Variants in ANXA3 observed in about 807,000 individuals in gnomAD.
ANXA3 encodes 35-alpha calcimedin.
In ANXA3, 46 loss-of-function variants were observed where a neutral mutation model predicts 48.8. That is an observed-to-expected ratio of 0.94 (90% CI 0.74 to 1.21). The LOEUF (loss-of-function observed/expected upper bound fraction) is 1.21, where lower values mean the gene tolerates loss of function less well. Ranked by LOEUF, ANXA3 falls within the 50% of genes most tolerant of loss-of-function variation. The pLI, the probability that ANXA3 is intolerant of heterozygous loss-of-function variation, is 0.00. For synonymous variants in ANXA3, 128 were observed against 134.7 expected, an observed-to-expected ratio of 0.95 and a Z score of 0.35; for missense variants, 383 against 378.6, an observed-to-expected ratio of 1.01 and a Z score of -0.10.
At chr4:78,573,358 C>T (rs1722882025) in intron 3 of ANXA3, 91 bp downstream of exon 3, 5 of 904,782 alleles carry the variant, frequency 5.5e-6, no homozygotes, top group Non-Finnish European at 8.7e-6. Context: ...TTGGCTTACT[C>T]AATTTAATAA....
intron 6 of ANXA3, among the ~76,000 whole-genome samples, chr4:78,590,317 C>G (rs575679856): frequency 6.6e-6 from 1 of 152,098 alleles, no homozygotes; most frequent in South Asian, 2.1e-4. Context: ...GTGGATTTTG[C>G]TTATATGAAT....
At chr4:78,594,218 C>G (rs542732565) in intron 7 of ANXA3, among the ~76,000 whole-genome samples, 1 of 152,182 alleles carries the variant, frequency 6.6e-6, no homozygotes, top group East Asian at 1.9e-4. Context: ...TATGTCTTTT[C>G]ATGGCTTGAT....
chr4:78,583,840 T>G (rs1364504322), intron 5 of ANXA3, among the ~76,000 whole-genome samples: 1 of 152,206 alleles, frequency 6.6e-6, no homozygotes, highest in Non-Finnish European at 1.5e-5. Context: ...CCGAGAAAGG[T>G]AATCTCCCTT....
At chr4:78,566,022 G>T (rs1722722401) in intron 2 of ANXA3, among the ~76,000 whole-genome samples, 1 of 152,148 alleles carries the variant, frequency 6.6e-6, no homozygotes, top group Non-Finnish European at 1.5e-5. Context: ...AGAAAAGAGA[G>T]AGCCACTTTC....
chr4:78,569,852 T>C (rs1722808608), intron 2 of ANXA3, among the ~76,000 whole-genome samples: 1 of 152,232 alleles, frequency 6.6e-6, no homozygotes. Flanking sequence ...GCTGTCCTTA[T>C]TAGCAGAGCT....
chr4:78,572,216 G>A (rs144591428), intron 2 of ANXA3, among the ~76,000 whole-genome samples: 8 of 152,244 alleles, frequency 5.3e-5, no homozygotes, highest in South Asian at 2.1e-4. Context: ...CTGCTCTAGA[G>A]AACCAATGTT....
At chr4:78,580,592 A>G (rs2109936552) in intron 4 of ANXA3, among the ~76,000 whole-genome samples, 1 of 152,286 alleles carries the variant, frequency 6.6e-6, no homozygotes, top group East Asian at 1.9e-4. Context: ...TGTGGGGGGA[A>G]AAGGTACAAA....
intron 1 of ANXA3, chr4:78,554,179 C>A (rs1578388115): frequency 6.0e-6 from 2 of 330,918 alleles, no homozygotes; most frequent in African/African-American, 4.2e-5. Flanking sequence ...TTGTAAGCAT[C>A]TTAAGTACAA....
chr4:78,588,151 G>A (rs1216360185), intron 6 of ANXA3, among the ~76,000 whole-genome samples: 1 of 152,040 alleles, frequency 6.6e-6, no homozygotes, highest in Admixed American at 6.5e-5. Flanking sequence ...TGGCATTTTG[G>A]GAGGCTGAGG....
chr4:78,560,646 C>G (rs1201464709), intron 2 of ANXA3, among the ~76,000 whole-genome samples: 1 of 152,220 alleles, frequency 6.6e-6, no homozygotes. Context: ...AACTCAATAT[C>G]CAGCCCCTCT....
At chr4:78,589,849 A>AAGAG (rs551452483) in intron 6 of ANXA3, among the ~76,000 whole-genome samples, 35 of 152,204 alleles carry the variant, frequency 2.3e-4, no homozygotes, top group Admixed American at 2.6e-4. Flanking sequence ...AGTCTAAATA[A>AAGAG]AGAGAGATCT....
rs558889270 is a variant in ANXA3, at chr4:78,595,452, G to A, written c.540+15G>A. On this transcript the variant is annotated intron_variant, in intron 8 of 12. Coordinates refer to ENST00000264908, the MANE Select transcript of ANXA3 (RefSeq NM_005139.3). ...AAGATGCCCAGGTCAGTAACAAAGC[G>A]GGAAAACATTTCCTTTACCTATTCT... 5.5e-5 allele frequency: 89 copies of A among 1,612,594 alleles called. No homozygotes were observed. Among genetic ancestry groups the A allele is most frequent in the East Asian group, 8.9e-5 (4 of 44,842 alleles).
chr4:78,609,088 T>A (rs758574646), intron 12 of ANXA3, among the ~76,000 whole-genome samples: 2 of 152,122 alleles, frequency 1.3e-5, no homozygotes, highest in Non-Finnish European at 2.9e-5. Flanking sequence ...AACAGACAAA[T>A]GAACAAGAAA....
chr4:78,554,146 A>C (rs1388469963), intron 1 of ANXA3: 1 of 241,898 alleles, frequency 4.1e-6, no homozygotes, highest in Non-Finnish European at 8.0e-6. Context: ...ATAAGTCAAA[A>C]ATTGGCTTTT....
At chr4:78,586,662 T>C (rs1015859680) in intron 6 of ANXA3, among the ~76,000 whole-genome samples, 5 of 152,344 alleles carry the variant, frequency 3.3e-5, no homozygotes, top group Middle Eastern at 3.4e-3. Context: ...GAGACTCAAA[T>C]CGTATTTTAT....
At chr4:78,582,330 C>T (rs761418470) in intron 5 of ANXA3, 40 bp downstream of exon 5, 4 of 1,396,876 alleles carry the variant, frequency 2.9e-6, no homozygotes, top group African/African-American at 1.4e-5. Context: ...CAGGGTTTGA[C>T]CAAGTCATCA....
Position 78,573,227 on chromosome 4 carries a change from A to G in ANXA3, c.63A>G (p.Ser21=). 4.3e-6 allele frequency: 7 copies of G among 1,613,704 alleles called. No individual in the cohort carries two copies. Among genetic ancestry groups the G allele is most frequent in the Non-Finnish European group, 5.9e-6 (7 of 1,179,742 alleles). The change falls in exon 3 of 13, where the codon TCA becomes TCG. Residue 21 remains serine (S), a synonymous_variant. Transcript: ENST00000264908. ...GAGATTATCCAGACTTTAGCCCATC[A>G]GTGGATGCTGAAGCTATTCAGAAAG... is the stretch of plus-strand genomic sequence containing the variant. ...TVRDYPDFSP[S]VDAEAIQKAI... is the part of the protein sequence containing the mutation.
At chr4:78,575,328 G>A (rs759001540) in intron 3 of ANXA3, among the ~76,000 whole-genome samples, 12 of 151,480 alleles carry the variant, frequency 7.9e-5, no homozygotes, top group Non-Finnish European at 1.6e-4. Context: ...TAACATTGGT[G>A]ACATGGTTTG....
intron 10 of ANXA3, among the ~76,000 whole-genome samples, chr4:78,600,330 T>C (rs926174850): frequency 2.0e-5 from 3 of 152,054 alleles, no homozygotes; most frequent in East Asian, 1.9e-4. Context: ...CTTTCAGATA[T>C]GAAGAACAAA....
Sources: gnomAD v4.1 joint callset for allele counts (sites outside exome capture counted in the v4.1 genomes callset) on GRCh38, gnomAD v4.1.1 for gene constraint, MANE v1.5 for transcripts, NCBI Gene and HGNC (gene_info 2026-07-23, HGNC 2026-07-21) for gene names.